The following ACOT1 variants were observed in gnomAD, a reference collection of about 807,000 sequenced individuals.
ACOT1 encodes acyl-CoA thioesterase 1.
A neutral mutation model predicts 15.7 loss-of-function variants in ACOT1; 8 were observed. That is an observed-to-expected ratio of 0.51 (90% CI 0.30 to 0.92). ACOT1 has a LOEUF of 0.92. ACOT1 is among the 40% of genes least tolerant of loss of function. The probability of loss-of-function intolerance (pLI) is 0.06; values close to 1 mark genes in which losing one functional copy is unlikely to be tolerated. For missense variants in ACOT1, 151 were observed against 539.4 expected (o/e 0.28, Z 7.13); for synonymous variants, 67 against 241.2 (o/e 0.28, Z 6.69).
At chr14:73,500,625 G>C in the ACOT1 span, 1 of 1,614,176 alleles carries the variant, frequency 6.2e-7, no homozygotes. Context: ...CATCAGAGAA[G>C]CAGTGCAGGA....
At chr14:73,529,485 A>ATTT in the ACOT1 span, among the ~76,000 whole-genome samples, 1 of 152,076 alleles carries the variant, frequency 6.6e-6, no homozygotes, top group Admixed American at 6.6e-5. Context: ...TGGGGTTGGA[A>ATTT]GGGTTAGGCT....
chr14:73,497,293 G>C, the ACOT1 span, among the ~76,000 whole-genome samples: 1 of 152,198 alleles, frequency 6.6e-6, no homozygotes, highest in South Asian at 2.1e-4. Flanking sequence ...ATCTGCCTCA[G>C]CCTCCCAAAG....
At chr14:73,512,270 G>T in the ACOT1 span, 1 of 1,082,158 alleles carries the variant, frequency 9.2e-7, no homozygotes, top group Non-Finnish European at 1.3e-6. Flanking sequence ...CATTAGCTCA[G>T]AAGAATAAAG....
the ACOT1 span, among the ~76,000 whole-genome samples, chr14:73,507,269 T>C: frequency 2.0e-5 from 3 of 152,206 alleles, no homozygotes; most frequent in African/African-American, 4.8e-5. Context: ...TTCTTGCATA[T>C]GCAAATAGAG....
At chr14:73,495,446 A>T in the ACOT1 span, 1 of 1,397,692 alleles carries the variant, frequency 7.2e-7, no homozygotes, top group Admixed American at 2.0e-5. Flanking sequence ...TAGGCAGCAA[A>T]TTATCAAAAA....
At chr14:73,520,958 C>T in the ACOT1 span, 23 of 1,613,686 alleles carry the variant, frequency 1.4e-5, no homozygotes, top group East Asian at 4.5e-5. Context: ...GGGAGAGGCT[C>T]GTCTTTTCAT....
the ACOT1 span, chr14:73,491,828 C>T: frequency 1.2e-6 from 2 of 1,606,764 alleles, no homozygotes; most frequent in South Asian, 1.1e-5. Flanking sequence ...CATCAACGGA[C>T]GACGCGAGAC....
the ACOT1 span, among the ~76,000 whole-genome samples, chr14:73,529,629 G>T: frequency 6.6e-6 from 1 of 152,108 alleles, no homozygotes; most frequent in Non-Finnish European, 1.5e-5. Flanking sequence ...GTATCTCAGA[G>T]ATTCCAAATT....
At chr14:73,514,638 T>C in the ACOT1 span, among the ~76,000 whole-genome samples, 1 of 152,246 alleles carries the variant, frequency 6.6e-6, no homozygotes, top group Admixed American at 6.5e-5. Context: ...TAAGTTTTCC[T>C]TTTAATGTTT....
At chr14:73,501,807 A>ACAG in the ACOT1 span, among the ~76,000 whole-genome samples, 2 of 151,250 alleles carry the variant, frequency 1.3e-5, no homozygotes, top group East Asian at 3.9e-4. Context: ...AGGCTGGAGT[A>ACAG]CAGTGGCGTG....
the ACOT1 span, chr14:73,500,671 T>A: frequency 3.1e-6 from 5 of 1,614,188 alleles, no homozygotes; most frequent in Non-Finnish European, 4.2e-6. Flanking sequence ...AAGCTTGAGC[T>A]CACCTATCAG....
At chr14:73,495,018 T>TA in the ACOT1 span, among the ~76,000 whole-genome samples, 1 of 151,274 alleles carries the variant, frequency 6.6e-6, no homozygotes, top group Non-Finnish European at 1.5e-5. Flanking sequence ...AACTTTTTTT[T>TA]AAGGGAGAAA....
the ACOT1 span, among the ~76,000 whole-genome samples, chr14:73,512,660 A>G: frequency 6.6e-6 from 1 of 152,236 alleles, no homozygotes; most frequent in Non-Finnish European, 1.5e-5. Flanking sequence ...TGAAGGTTCA[A>G]TAAATGTTAA....
At chr14:73,509,836 A>C in the ACOT1 span, among the ~76,000 whole-genome samples, 1 of 44,278 alleles carries the variant, frequency 2.3e-5, no homozygotes, top group Non-Finnish European at 5.1e-5. Context: ...ATATATATAT[A>C]TATATATATA....
chr14:73,491,295 G>T, the ACOT1 span: 2 of 1,544,932 alleles, frequency 1.3e-6, no homozygotes, highest in Non-Finnish European at 1.7e-6. Flanking sequence ...GACGCAGCCC[G>T]GCGAGAGCCA....
chr14:73,491,708 C>A, the ACOT1 span: 122 of 1,550,138 alleles, frequency 7.9e-5, no homozygotes, highest in African/African-American at 1.6e-3. Flanking sequence ...GGTGCTGGTG[C>A]GGCGGCAGGA....
the ACOT1 span, chr14:73,529,070 T>C: frequency 6.6e-6 from 1 of 151,878 alleles, no homozygotes; most frequent in African/African-American, 2.4e-5. Flanking sequence ...ATTAAGTCAA[T>C]CGGCCAGGCG....
the ACOT1 span, among the ~76,000 whole-genome samples, chr14:73,524,921 G>A: frequency 2.4e-4 from 36 of 152,216 alleles, no homozygotes; most frequent in East Asian, 6.4e-3. Context: ...CCAGCACATA[G>A]CCTCTCTCCC....
chr14:73,500,579 C>T, the ACOT1 span: 1 of 1,613,684 alleles, frequency 6.2e-7, no homozygotes, highest in Non-Finnish European at 8.5e-7. Flanking sequence ...AGGGCACCAG[C>T]TGCCAAACAG....
Sources: gnomAD v4.1 joint callset for allele counts (sites outside exome capture counted in the v4.1 genomes callset) on GRCh38, gnomAD v4.1.1 for gene constraint, MANE v1.5 for transcripts, NCBI Gene and HGNC (gene_info 2026-07-23, HGNC 2026-07-21) for gene names.